FLT1: variants seen among roughly 807,000 people sequenced by gnomAD.
FLT1 encodes fms related receptor tyrosine kinase 1.
In FLT1, 49 loss-of-function variants were observed where a neutral mutation model predicts 156.3. The observed-to-expected ratio is 0.31, with a 90% CI of 0.25 to 0.40. FLT1 has a LOEUF of 0.40. Ranked by LOEUF, FLT1 falls within the 10% of genes least tolerant of loss-of-function variation. The pLI, the probability that FLT1 is intolerant of heterozygous loss-of-function variation, is 1.00. For missense variants in FLT1, 1,322 were observed against 1,637.2 expected (o/e 0.81, Z 3.32); for synonymous variants, 594 against 583.8 (o/e 1.02, Z -0.25).
chr13:28,348,805 A>G (rs1420793841), intron 15 of FLT1, among the ~76,000 whole-genome samples: 1 of 151,962 alleles, frequency 6.6e-6, no homozygotes, highest in African/African-American at 2.4e-5. Flanking sequence ...GCTACTCAGG[A>G]GGCTGAGGCA....
chr13:28,493,862 C>T lies in FLT1; in HGVS notation c.64+918G>A, dbSNP rs1019359466. Among the ~76,000 whole-genome samples, 10 of 152,366 alleles carry T rather than the reference C, an allele frequency of 6.6e-5. No homozygotes were observed. In the South Asian group the frequency reaches 1.2e-3, roughly 19 times the overall value. ...GCCCAGCGAAGGCTGACTTAGGTGG[C>T]GGGCGGACCTCATCGATTCCTCAAA... On this transcript the variant is annotated intron_variant, in intron 1 of 29. Transcript: ENST00000282397.
chr13:28,469,119 G>T (rs766037463), intron 1 of FLT1, among the ~76,000 whole-genome samples: 7 of 152,194 alleles, frequency 4.6e-5, no homozygotes, highest in Non-Finnish European at 8.8e-5. Context: ...GGCAGGGAAT[G>T]AGGGGCCCAG....
intron 4 of FLT1, among the ~76,000 whole-genome samples, chr13:28,436,741 T>C (rs1878045891): frequency 1.3e-5 from 2 of 152,220 alleles, no homozygotes; most frequent in Non-Finnish European, 2.9e-5. Flanking sequence ...TGTTAAACTG[T>C]TAAATAATGC....
chr13:28,490,212 G>A (rs956351699), intron 1 of FLT1, among the ~76,000 whole-genome samples: 2 of 152,104 alleles, frequency 1.3e-5, no homozygotes, highest in Non-Finnish European at 2.9e-5. Flanking sequence ...CTCTTACAAC[G>A]TGTGTGTGTA....
intron 10 of FLT1, among the ~76,000 whole-genome samples, chr13:28,424,138 T>C (rs558652032): frequency 2.0e-5 from 3 of 151,848 alleles, no homozygotes; most frequent in East Asian, 3.9e-4. Context: ...GGGGTTTCAT[T>C]ATGTTGCCCA....
At chr13:28,494,122 G>A (rs1881616120) in intron 1 of FLT1, among the ~76,000 whole-genome samples, 1 of 152,074 alleles carries the variant, frequency 6.6e-6, no homozygotes, top group African/African-American at 2.4e-5. Flanking sequence ...GGGGAGGAGC[G>A]GGCGCTCGCC....
chr13:28,437,682 C>T (rs7981765), intron 4 of FLT1, among the ~76,000 whole-genome samples: 68 of 152,266 alleles, frequency 4.5e-4, no homozygotes, highest in African/African-American at 1.4e-3. Flanking sequence ...AAAAGTTTCA[C>T]GTATGGCCTT....
intron 14 of FLT1, among the ~76,000 whole-genome samples, chr13:28,358,923 T>C (rs1292756303): frequency 6.6e-6 from 1 of 152,018 alleles, no homozygotes; most frequent in Non-Finnish European, 1.5e-5. Flanking sequence ...GTCTGAAGGA[T>C]TGTCAGAGGT....
intron 27 of FLT1, among the ~76,000 whole-genome samples, chr13:28,309,997 C>G (rs1391385034): frequency 7.4e-6 from 1 of 135,106 alleles, no homozygotes; most frequent in East Asian, 2.5e-4. Context: ...TCAAGTGATT[C>G]TCCCACCTCA....
chr13:28,333,286 G>T (rs973203503), intron 18 of FLT1, among the ~76,000 whole-genome samples: 5 of 152,176 alleles, frequency 3.3e-5, no homozygotes, highest in Non-Finnish European at 7.3e-5. Context: ...TGAGTTTTCA[G>T]TTCTGTTGAG....
intron 1 of FLT1, among the ~76,000 whole-genome samples, chr13:28,481,217 A>G (rs769232785): frequency 1.1e-4 from 17 of 152,190 alleles, no homozygotes; most frequent in Admixed American, 2.0e-4. Context: ...ATCTCAAGGA[A>G]AATATCTCCT....
chr13:28,462,045 C>T (rs888259257), intron 3 of FLT1, among the ~76,000 whole-genome samples: 2 of 152,074 alleles, frequency 1.3e-5, no homozygotes, highest in Admixed American at 6.6e-5. Context: ...TTTTGCTTTT[C>T]GATTGTAATT....
rs1416287101 is a variant in FLT1, at chr13:28,440,365, CCTGTAGGCCAGTTA to C, written c.389-2034_389-2021del. Among the ~76,000 whole-genome samples, 4 of 152,334 alleles carry C rather than the reference CCTGTAGGCCAGTTA, an allele frequency of 2.6e-5. No homozygotes were observed. In the East Asian group the frequency reaches 7.7e-4, roughly 29 times the overall value. On this transcript the variant is annotated intron_variant, in intron 3 of 29. Transcript: ENST00000282397. ...AGTTGTCTAGATGGGCACAGCCAGG[CCTGTAGGCCAGTTA>C]CTTCTGCCTCCAATCTAGAGCCCCT...
rs867180483 is a variant in FLT1, at chr13:28,334,082, C to T, written c.2536G>A (p.Ala846Thr). 6.2e-7 allele frequency: 1 copy of T among 1,614,012 alleles called. No individual in the cohort carries two copies. Among genetic ancestry groups the T allele is most frequent in the Non-Finnish European group, 8.5e-7 (1 of 1,179,872 alleles). ...GAFGKVVQAS[A>T]FGIKKSPTCR... ...GTAGGTGATTTCTTAATGCCAAATG[C>T]TGATGCTTGAACCACTTTTCCAAAA... The change falls in exon 18 of 30, where the codon GCA becomes ACA. Residue 846 changes from alanine (A) to threonine (T), a missense_variant. Ala to Thr is a moderately conservative substitution (Grantham distance 58). Transcript: ENST00000282397.
chr13:28,381,297 C>T (rs1372481508), intron 14 of FLT1, among the ~76,000 whole-genome samples: 1 of 152,174 alleles, frequency 6.6e-6, no homozygotes, highest in African/African-American at 2.4e-5. Flanking sequence ...TGGGTCACAC[C>T]TGTAATCCCA....
chr13:28,319,597 T>G, intron 23 of FLT1, 63 bp from the exon 24 acceptor site: 1 of 928,148 alleles, frequency 1.1e-6, no homozygotes, highest in Non-Finnish European at 1.8e-6. Flanking sequence ...TCAACCCGAG[T>G]GTCCATGGGG....
chr13:28,396,735 A>G (rs1327366320), intron 12 of FLT1: 1 of 651,684 alleles, frequency 1.5e-6, no homozygotes, highest in Non-Finnish European at 2.8e-6. Flanking sequence ...TCTGGGAGGG[A>G]GACAAACACA....
At chr13:28,407,590 C>T (rs903817243) in intron 10 of FLT1, among the ~76,000 whole-genome samples, 3 of 152,136 alleles carry the variant, frequency 2.0e-5, no homozygotes, top group African/African-American at 7.2e-5. Flanking sequence ...GTGGTGTTTG[C>T]ACCTAAACCG....
rs1374309758 is a variant in FLT1, at chr13:28,306,736, G to A, written c.3757C>T (p.Pro1253Ser). ...QGDSSTLLASPMLKRFTWTDS... is the reference protein window; with the variant it reads ...QGDSSTLLASSMLKRFTWTDS... Reference sequence around the variant, plus strand: ...GTCCAGGTGAAGCGCTTCAGCATGGGAGAGGCCAACAGAGTGCTGCTGTCG... The same window carrying A: ...GTCCAGGTGAAGCGCTTCAGCATGGAAGAGGCCAACAGAGTGCTGCTGTCG... Residue 1253 changes from proline (P) to serine (S), a missense_variant, in exon 29 of 30, where the codon CCC becomes TCC. Pro to Ser is a moderately conservative substitution (Grantham distance 74). Coordinates refer to ENST00000282397, the MANE Select transcript of FLT1 (RefSeq NM_002019.4). 2 of 1,613,798 alleles carry A rather than the reference G, an allele frequency of 1.2e-6. No homozygotes were observed. Among genetic ancestry groups the A allele is most frequent in the South Asian group, 2.2e-5 (2 of 91,082 alleles).
Sources: gnomAD v4.1 joint callset for allele counts (sites outside exome capture counted in the v4.1 genomes callset) on GRCh38, gnomAD v4.1.1 for gene constraint, MANE v1.5 for transcripts, NCBI Gene and HGNC (gene_info 2026-07-23, HGNC 2026-07-21) for gene names.